The following TMEM114 variants were observed in gnomAD, a reference collection of about 807,000 sequenced individuals.
TMEM114 encodes the protein claudin-26.
A neutral mutation model predicts 6.2 loss-of-function variants in TMEM114; 6 were observed. The ratio of observed to expected loss-of-function variants is 0.97; its 90% CI spans 0.53 to 1.91. TMEM114 has a LOEUF of 1.91. Among genes scored for constraint, TMEM114 ranks in the 40% most tolerant of loss-of-function variants. TMEM114 has a pLI of 0.01. For missense variants in TMEM114, 218 were observed against 158.3 expected (o/e 1.38, Z -2.02); for synonymous variants, 104 against 73.0 (o/e 1.42, Z -2.16).
chr16:8,559,248 G>A (rs1370259984), intron 2 of TMEM114, among the ~76,000 whole-genome samples: 5 of 151,626 alleles, frequency 3.3e-5, no homozygotes, highest in Admixed American at 3.3e-4. Context: ...TCACCGTGTT[G>A]GCCAGGCTGG....
intron 2 of TMEM114, among the ~76,000 whole-genome samples, chr16:8,583,246 T>C (rs1052451466): frequency 6.6e-6 from 1 of 152,128 alleles, no homozygotes; most frequent in African/African-American, 2.4e-5. Flanking sequence ...ACTGAGCAAA[T>C]AAGTGCATCT....
the TMEM114 span, among the ~76,000 whole-genome samples, chr16:8,529,640 G>A: frequency 6.6e-5 from 10 of 151,728 alleles, no homozygotes; most frequent in African/African-American, 2.4e-4. Context: ...CTTCATTGGT[G>A]TTTCTCATGC....
At chr16:8,585,264 C>G (rs1029197172) in intron 2 of TMEM114, among the ~76,000 whole-genome samples, 1 of 152,166 alleles carries the variant, frequency 6.6e-6, no homozygotes, top group Non-Finnish European at 1.5e-5. Flanking sequence ...AAGGAAGCTA[C>G]AATTCAAGAT....
intron 3 of TMEM114, among the ~76,000 whole-genome samples, chr16:8,571,622 T>C (rs1901735685): frequency 6.7e-6 from 1 of 149,642 alleles, no homozygotes; most frequent in African/African-American, 2.5e-5. Context: ...CATTCTCTCT[T>C]TCTGTGAATT....
At chr16:8,565,988 C>T (rs1480800722), downstream of TMEM114, among the ~76,000 whole-genome samples, 1 of 152,150 alleles carries the variant, frequency 6.6e-6, no homozygotes, top group Non-Finnish European at 1.5e-5. Context: ...GAGGACAAGA[C>T]AGAATGGAAC....
At chr16:8,549,718 G>A (rs749984085) in intron 2 of TMEM114, among the ~76,000 whole-genome samples, 16 of 152,130 alleles carry the variant, frequency 1.1e-4, no homozygotes, top group Non-Finnish European at 1.9e-4. Context: ...GTGTGCTCAG[G>A]TGGTGGCTGA....
intron 2 of TMEM114, among the ~76,000 whole-genome samples, chr16:8,556,921 CCCTGCTGACCGCT>C (rs1255613774): frequency 1.3e-5 from 2 of 152,108 alleles, no homozygotes; most frequent in Admixed American, 1.3e-4. Flanking sequence ...GTAATGTGGC[CCCTGCTGACCGCT>C]CCAGCCTCTG....
downstream of TMEM114, among the ~76,000 whole-genome samples, chr16:8,533,333 C>T (rs758744233): frequency 1.3e-5 from 2 of 152,140 alleles, no homozygotes; most frequent in African/African-American, 2.4e-5. Context: ...GATCCCAAGG[C>T]AGAGTATTCT....
intron 2 of TMEM114, among the ~76,000 whole-genome samples, chr16:8,577,142 T>C (rs534954471): frequency 6.6e-6 from 1 of 152,366 alleles, no homozygotes; most frequent in South Asian, 2.1e-4. Flanking sequence ...AACTGGACCA[T>C]ATTCATCTTG....
intron 2 of TMEM114, among the ~76,000 whole-genome samples, chr16:8,545,917 C>G (rs1443237036): frequency 6.6e-6 from 1 of 152,110 alleles, no homozygotes; most frequent in South Asian, 2.1e-4. Flanking sequence ...GAGTTTGAAA[C>G]CAGCCTGGGC....
chr16:8,557,762 C>T (rs1485209528), intron 2 of TMEM114, among the ~76,000 whole-genome samples: 3 of 152,200 alleles, frequency 2.0e-5, no homozygotes, highest in Non-Finnish European at 2.9e-5. Flanking sequence ...ACTTCACAGA[C>T]ATCGTGGGAA....
At chr16:8,538,087 C>G (rs908319019) in intron 2 of TMEM114, among the ~76,000 whole-genome samples, 1 of 125,664 alleles carries the variant, frequency 8.0e-6, no homozygotes, top group African/African-American at 3.2e-5. Context: ...TTTCTTGAGC[C>G]CAGGAGTTCG....
intron 3 of TMEM114, among the ~76,000 whole-genome samples, chr16:8,570,407 C>T (rs559310589): frequency 6.6e-6 from 1 of 152,276 alleles, no homozygotes; most frequent in African/African-American, 2.4e-5. Context: ...TCTCAGCTTG[C>T]TGCAACCTCC....
intron 2 of TMEM114, among the ~76,000 whole-genome samples, chr16:8,545,098 C>T (rs919089262): frequency 1.3e-5 from 2 of 152,104 alleles, no homozygotes; most frequent in African/African-American, 4.8e-5. Context: ...CACCCTTTCT[C>T]TTTTCTTTCT....
At chr16:8,572,986 T>A (rs1030891250) in intron 2 of TMEM114, among the ~76,000 whole-genome samples, 1 of 152,224 alleles carries the variant, frequency 6.6e-6, no homozygotes, top group Non-Finnish European at 1.5e-5. Context: ...AAGGCTGGCT[T>A]CACTGACTGG....
chr16:8,537,211 C>T (rs1014060326), downstream of TMEM114, among the ~76,000 whole-genome samples: 4 of 151,518 alleles, frequency 2.6e-5, no homozygotes, highest in African/African-American at 9.7e-5. Flanking sequence ...TCTCAAAAAA[C>T]AAAAACAGGC....
chr16:8,584,536 G>A (rs182062985), intron 2 of TMEM114, among the ~76,000 whole-genome samples: 1 of 152,162 alleles, frequency 6.6e-6, no homozygotes, highest in African/African-American at 2.4e-5. Context: ...GGATGTACCT[G>A]TTTAAGGACC....
intron 2 of TMEM114, among the ~76,000 whole-genome samples, chr16:8,550,070 A>G (rs1282795135): frequency 6.6e-6 from 1 of 152,204 alleles, no homozygotes; most frequent in Non-Finnish European, 1.5e-5. Flanking sequence ...TTGGAATCTG[A>G]TGTTCCAGGG....
At chr16:8,566,436 G>C (rs1194079494), downstream of TMEM114, among the ~76,000 whole-genome samples, 1 of 150,636 alleles carries the variant, frequency 6.6e-6, no homozygotes, top group Non-Finnish European at 1.5e-5. Context: ...GATCAGAATA[G>C]AAGAGAACAG....
Sources: allele counts gnomAD v4.1 joint callset (sites outside exome capture counted in the v4.1 genomes callset), GRCh38; gene constraint gnomAD v4.1.1; transcripts MANE v1.5; gene names NCBI Gene and HGNC (gene_info 2026-07-23, HGNC 2026-07-21).